The following ANKS1B variants were observed in gnomAD, a reference collection of about 807,000 sequenced individuals.
ANKS1B encodes the protein ankyrin repeat and sterile alpha motif domain-containing protein 1B.
ANKS1B carries 36 observed loss-of-function variants against 148.3 expected under a neutral mutation model. The observed-to-expected ratio is 0.24, with a 90% CI of 0.19 to 0.32. The LOEUF (loss-of-function observed/expected upper bound fraction) is 0.32, where lower values mean the gene tolerates loss of function less well. Ranked by LOEUF, ANKS1B falls within the 10% of genes least tolerant of loss-of-function variation. ANKS1B has a pLI of 1.00. For synonymous variants in ANKS1B, 542 were observed against 560.8 expected (o/e 0.97, Z 0.47); for missense variants, 1,157 against 1,542.6 (o/e 0.75, Z 4.19).
chr12:99,477,070 G>C (rs561436893), intron 10 of ANKS1B, among the ~76,000 whole-genome samples: 1 of 152,140 alleles, frequency 6.6e-6, no homozygotes, highest in Non-Finnish European at 1.5e-5. Context: ...CAGCAGGAGA[G>C]AGCTAATAAA....
intron 9 of ANKS1B, among the ~76,000 whole-genome samples, chr12:99,527,874 A>T (rs887369061): frequency 2.7e-5 from 4 of 146,272 alleles, no homozygotes; most frequent in Non-Finnish European, 6.1e-5. Flanking sequence ...TTTAAAATTC[A>T]TATGGGACCA....
At chr12:98,808,351 G>A (rs1363125444) in intron 19 of ANKS1B, among the ~76,000 whole-genome samples, 2 of 152,140 alleles carry the variant, frequency 1.3e-5, no homozygotes, top group African/African-American at 4.8e-5. Flanking sequence ...AGCAAACAGT[G>A]CAATAAAATG....
intron 17 of ANKS1B, among the ~76,000 whole-genome samples, chr12:98,877,535 A>G (rs181405413): frequency 6.6e-6 from 1 of 152,330 alleles, no homozygotes; most frequent in East Asian, 1.9e-4. Context: ...GGATGTATAC[A>G]TGGCAAGCAT....
In ANKS1B at chr12:99,477,100, G is replaced by T. The variant is rs112094242; in HGVS notation, c.1438+27376C>A. Among the ~76,000 whole-genome samples, 490 of 152,274 alleles carry T rather than the reference G, an allele frequency of 3.2e-3. 2 individuals are homozygous for T. Among genetic ancestry groups the T allele is most frequent in the African/African-American group, 0.011 (449 of 41,558 alleles). On this transcript the variant is annotated intron_variant, in intron 10 of 26. Coordinates refer to ENST00000683438, the MANE Select transcript of ANKS1B (RefSeq NM_001352186.2). ...AATAAAACAGAAGCCAGAGGTCTTT[G>T]TAACCTGATCTCAGAAGTGACATGC...
chr12:99,637,997 C>G (rs1425703436), intron 9 of ANKS1B, among the ~76,000 whole-genome samples: 1 of 151,910 alleles, frequency 6.6e-6, no homozygotes, highest in African/African-American at 2.4e-5. Context: ...TCCTGCTTTT[C>G]TCTGACAGTG....
chr12:99,562,883 A>G (rs1567358105), intron 9 of ANKS1B, among the ~76,000 whole-genome samples: 1 of 152,182 alleles, frequency 6.6e-6, no homozygotes, highest in Non-Finnish European at 1.5e-5. Context: ...ACCTTTATCA[A>G]TTACCTTAGC....
At chr12:98,869,736 C>T (rs1252786385) in intron 17 of ANKS1B, among the ~76,000 whole-genome samples, 2 of 151,216 alleles carry the variant, frequency 1.3e-5, no homozygotes, top group African/African-American at 4.9e-5. Context: ...TAAACGTTAA[C>T]ATTTAGATGT....
At chr12:98,883,412 G>C (rs563358088) in intron 17 of ANKS1B, among the ~76,000 whole-genome samples, 1 of 152,150 alleles carries the variant, frequency 6.6e-6, no homozygotes, top group African/African-American at 2.4e-5. Flanking sequence ...CCCATATGAC[G>C]ATGGTCACAT....
At chr12:99,812,944 A>T (rs1418504376) in intron 2 of ANKS1B, among the ~76,000 whole-genome samples, 1 of 151,712 alleles carries the variant, frequency 6.6e-6, no homozygotes, top group African/African-American at 2.4e-5. Context: ...TAACTGTAGT[A>T]CTAGCCCAGG....
intron 1 of ANKS1B, among the ~76,000 whole-genome samples, chr12:99,836,048 CTAAG>C (rs1182223609): frequency 6.6e-6 from 1 of 152,176 alleles, no homozygotes; most frequent in Non-Finnish European, 1.5e-5. Flanking sequence ...GCAAAACCAT[CTAAG>C]TAAGATAGAT....
At chr12:99,201,669 C>T (rs2082085920) in intron 14 of ANKS1B, among the ~76,000 whole-genome samples, 1 of 152,128 alleles carries the variant, frequency 6.6e-6, no homozygotes, top group African/African-American at 2.4e-5. Context: ...CTCTCCTTTG[C>T]TGCAAAGGAA....
At chr12:99,233,581 T>C (rs1376625403) in intron 14 of ANKS1B, among the ~76,000 whole-genome samples, 1 of 152,172 alleles carries the variant, frequency 6.6e-6, no homozygotes, top group East Asian at 1.9e-4. Context: ...TTGAGTCTGA[T>C]TTCAAGTGGG....
chr12:98,753,514 A>G (rs2098148313), intron 25 of ANKS1B, among the ~76,000 whole-genome samples: 1 of 151,436 alleles, frequency 6.6e-6, no homozygotes, highest in African/African-American at 2.4e-5. Context: ...TGCCACCTCC[A>G]CCTCTTGGGT....
In ANKS1B at chr12:98,898,435, T is replaced by C. The variant is rs115076250; in HGVS notation, c.2779-66299A>G. 4.6e-3 allele frequency among the ~76,000 whole-genome samples: 695 copies of C among 152,258 alleles called. 9 individuals carry two copies. The highest frequency in any genetic ancestry group is 0.016 in the African/African-American group (680 of 41,560). ...CCTATTCATTGTCAAATTTTAGATA[T>C]TTTTAGGTACCAGAACAGCATAAAG... On this transcript the variant is annotated intron_variant, in intron 17 of 26. Coordinates refer to ENST00000683438, the MANE Select transcript of ANKS1B (RefSeq NM_001352186.2).
intron 14 of ANKS1B, among the ~76,000 whole-genome samples, chr12:99,162,726 A>T (rs2153831124): frequency 6.6e-6 from 1 of 152,296 alleles, no homozygotes. Context: ...AAATTATACC[A>T]CTCACTTTTC....
rs1039560851 is a variant in ANKS1B at position 99,696,021 on chromosome 12, G to A, written c.1129-40811C>T. ...CACTACCTGGGTGGAGGGATCACTTGTACCCCAAAACTCAGCAAAGCACAA... is the reference window on the plus strand; with the variant it reads ...CACTACCTGGGTGGAGGGATCACTTATACCCCAAAACTCAGCAAAGCACAA... On this transcript the variant is annotated intron_variant, in intron 8 of 26. Coordinates refer to ENST00000683438, the MANE Select transcript of ANKS1B (RefSeq NM_001352186.2). 1.7e-4 allele frequency among the ~76,000 whole-genome samples: 26 copies of A among 152,188 alleles called. 1 individual carries two copies. The highest frequency in any genetic ancestry group is 1.1e-3 in the Admixed American group (17 of 15,290).
At chr12:99,436,990 G>T (rs12230011) in intron 11 of ANKS1B, among the ~76,000 whole-genome samples, 1 of 152,024 alleles carries the variant, frequency 6.6e-6, no homozygotes, top group East Asian at 1.9e-4. Flanking sequence ...TTTAGGATGA[G>T]GTTTTGGGTT....
chr12:99,127,480 C>A (rs945364007), intron 15 of ANKS1B, among the ~76,000 whole-genome samples: 5 of 152,032 alleles, frequency 3.3e-5, no homozygotes, highest in African/African-American at 7.2e-5. Flanking sequence ...ACTTTAGAAT[C>A]AAAAAAGCAA....
intron 1 of ANKS1B, among the ~76,000 whole-genome samples, chr12:99,970,908 T>C (rs1260699012): frequency 4.6e-5 from 7 of 152,202 alleles, no homozygotes; most frequent in Non-Finnish European, 4.4e-5. Flanking sequence ...GTATTTTACC[T>C]TTTTGCTGAT....
Sources: gnomAD v4.1 joint callset for allele counts (sites outside exome capture counted in the v4.1 genomes callset) on GRCh38, gnomAD v4.1.1 for gene constraint, MANE v1.5 for transcripts, NCBI Gene and HGNC (gene_info 2026-07-23, HGNC 2026-07-21) for gene names.